The following CHTF18 variants were observed in gnomAD, a reference collection of about 807,000 sequenced individuals.
CHTF18 encodes chromosome transmission fidelity protein 18 homolog.
CHTF18 carries 151 observed loss-of-function variants against 113.4 expected under a neutral mutation model. The observed-to-expected ratio is 1.33, with a 90% CI of 1.17 to 1.52. The LOEUF (loss-of-function observed/expected upper bound fraction) is 1.52. CHTF18 is among the 40% of genes most tolerant of loss of function. The probability of loss-of-function intolerance (pLI) is 0.00; values close to 1 mark genes in which losing one functional copy is unlikely to be tolerated. For synonymous variants in CHTF18, 916 were observed against 598.8 expected, an observed-to-expected ratio of 1.53 and a Z score of -7.74; for missense variants, 1,982 against 1,381.6, an observed-to-expected ratio of 1.43 and a Z score of -6.89.
rs747898924 is a variant in CHTF18 at position 793,288 on chromosome 16, A to G, written c.1802+14A>G. On this transcript the variant is annotated intron_variant, in intron 14 of 21. Coordinates refer to ENST00000262315, the MANE Select transcript of CHTF18 (RefSeq NM_022092.3). ...TCGAGCCCAGAGGTAGGCGGTGGCC[A>G]CAGCCTCGGCCCAGATGCTCACGGT... The G allele has an allele frequency of 1.2e-6, 2 of 1,605,032 alleles. No homozygotes were observed. The highest frequency in any genetic ancestry group is 1.1e-5 in the South Asian group (1 of 89,826).
chr16:790,816 T>C, intron 7 of CHTF18, 150 bp downstream of exon 7: 1 of 1,433,870 alleles, frequency 7.0e-7, no homozygotes, highest in Non-Finnish European at 9.1e-7. Context: ...GGTGGTGAAC[T>C]GAGCACAGGG....
intron 15 of CHTF18, chr16:794,634 C>T (rs377600871): frequency 1.8e-4 from 41 of 232,934 alleles, no homozygotes; most frequent in African/African-American, 8.8e-4. Flanking sequence ...CTCTAAGCGG[C>T]TTTGGATTAG....
intron 17 of CHTF18, 41 bp downstream of exon 17, chr16:795,875 C>CCCTCCTGT (rs2042330038): frequency 6.2e-7 from 1 of 1,606,450 alleles, no homozygotes; most frequent in Non-Finnish European, 8.5e-7. Flanking sequence ...CCGCCTGCTG[C>CCCTCCTGT]CCTCCTGTCC....
rs1424628683 is a variant in CHTF18, at chr16:794,110, G to A, written c.1859G>A (p.Gly620Glu). The A allele has an allele frequency of 6.2e-7, 1 of 1,612,452 alleles. No individual in the cohort carries two copies. Among genetic ancestry groups the A allele is most frequent in the Non-Finnish European group, 8.5e-7 (1 of 1,179,768 alleles). Residue 620 changes from glycine (G) to glutamate (E), a missense_variant, in exon 15 of 22, where the codon GGG becomes GAG. Transcript: ENST00000262315. ...GCTGACACACTCCTGCTGGGTGACG[G>A]GGACGCGGGCTCCCTCACCTCCGCC... is the stretch of plus-strand genomic sequence containing the variant. Reference protein sequence around the residue: ...LPADTLLLGDGDAGSLTSASQ... With the variant: ...LPADTLLLGDEDAGSLTSASQ...
chr16:790,089 C>T (rs2042143737), intron 4 of CHTF18, 88 bp from the exon 5 acceptor site: 3 of 1,538,916 alleles, frequency 1.9e-6, no homozygotes, highest in Non-Finnish European at 2.6e-6. Context: ...GGGGTTGTCC[C>T]ACCCGGGTCC....
At position 792,517 on chromosome 16, in the gene CHTF18, T is replaced by C; in HGVS notation, c.1405T>C (p.Ser469Pro). 6.3e-7 allele frequency: 1 copy of C among 1,592,544 alleles called. No individual in the cohort carries two copies. The highest frequency in any genetic ancestry group is 8.5e-7 in the Non-Finnish European group (1 of 1,173,024). Reference sequence around the variant, plus strand: ...GGGGCCACAGGGCCCGGCTGTGCCTTCGGGAGGCGGCCGACGGCGCCGGGC... The same window carrying C: ...GGGGCCACAGGGCCCGGCTGTGCCTCCGGGAGGCGGCCGACGGCGCCGGGC... ...EVGPQGPAVPSGGGRRRRAEG... is the reference protein window; with the variant it reads ...EVGPQGPAVPPGGGRRRRAEG... Residue 469 changes from serine (S) to proline (P), a missense_variant, in exon 11 of 22, where the codon TCG (serine) becomes CCG (proline). Transcript: ENST00000262315.
chr16:796,692 C>T (rs1238386896), intron 18 of CHTF18, 25 bp from the exon 19 acceptor site: 3 of 1,573,436 alleles, frequency 1.9e-6, no homozygotes, highest in African/African-American at 1.4e-5. Context: ...GCTGACCTGC[C>T]CTGGTGTCCC....
chr16:792,138 C>T (rs2042213827), intron 9 of CHTF18, 86 bp from the exon 10 acceptor site: 28 of 1,525,224 alleles, frequency 1.8e-5, no homozygotes, highest in Middle Eastern at 3.4e-4. Context: ...TGACGGTCTC[C>T]ACGCAAATGC....
At position 796,867 on chromosome 16, in the gene CHTF18, C is replaced by T. The variant is rs1472197807; in HGVS notation, c.2601+6C>T. 1 of 1,586,378 alleles carries T rather than the reference C, an allele frequency of 6.3e-7. No homozygotes were observed. The highest frequency in any genetic ancestry group is 1.1e-5 in the South Asian group (1 of 87,672). ...GGGTAGAGAACAGCCCCCAGGTGAG[C>T]CCACCCAGGCTCTGGAGCAGGTTGC... On this transcript the variant is annotated splice_donor_region_variant and intron_variant, in intron 19 of 21. Coordinates refer to ENST00000262315, the MANE Select transcript of CHTF18 (RefSeq NM_022092.3).
In CHTF18 at chr16:792,500, AGG is replaced by A; in HGVS notation, c.1390_1391del (p.Gly464ProfsTer28). ...AAGGGGCCACAGGAGGTGGGGCCAC[AGG>A]GCCCGGCTGTGCCTTCGGGAGGCGG... On this transcript the variant is annotated frameshift_variant, in exon 11 of 22. Transcript: ENST00000262315. LOFTEE classifies it high-confidence loss of function. The A allele has an allele frequency of 6.3e-7, 1 of 1,594,124 alleles. No individual in the cohort carries two copies. Among genetic ancestry groups the A allele is most frequent in the Non-Finnish European group, 8.5e-7 (1 of 1,172,024 alleles).
In CHTF18 at chr16:797,089, A is replaced by G; in HGVS notation, c.2730A>G (p.Glu910=). The change falls in exon 20 of 22, where the codon GAA becomes GAG. Residue 910 remains glutamate (E), a synonymous_variant. Coordinates refer to ENST00000262315, the MANE Select transcript of CHTF18 (RefSeq NM_022092.3). Reference sequence around the variant, plus strand: ...TCATGAGGCGAGCGGCCCGGGAGGAACAGGTGTGGAATGGGCAGCTGTGGG... The same window carrying G: ...TCATGAGGCGAGCGGCCCGGGAGGAGCAGGTGTGGAATGGGCAGCTGTGGG... ...EHIMRRAARE[E]QPEKDFFGRV... is the part of the protein sequence containing the mutation. 1 of 1,521,506 alleles carries G rather than the reference A, an allele frequency of 6.6e-7. No homozygotes were observed. Among genetic ancestry groups the G allele is most frequent in the Non-Finnish European group, 8.8e-7 (1 of 1,138,270 alleles). The allele number at this position is 1,521,506 out of a possible 1,614,324, so 94.3% of individuals were successfully genotyped here. A position where few individuals can be genotyped will look rare whatever the true frequency, so the allele number is the denominator to read the frequency against.
At position 797,900 on chromosome 16, in the gene CHTF18, C is replaced by T. The variant is rs556985560; in HGVS notation, c.2853C>T (p.Ser951=). Residue 951 remains serine, a synonymous_variant, in exon 22 of 22, where the codon AGC becomes AGT. Transcript: ENST00000262315. ...ERRMGTAVGR[S]EVWFRFNEGV... is the part of the protein sequence containing the mutation. ...GCATGGGCACAGCGGTGGGCAGGAG[C>T]GAGGTCTGGTTCCGCTTCAACGAGG... 8.9e-5 allele frequency: 144 copies of T among 1,611,532 alleles called. No individual in the cohort carries two copies. Among genetic ancestry groups the T allele is most frequent in the African/African-American group, 4.7e-4 (35 of 75,020 alleles).
rs139737807 is a variant in CHTF18 at position 788,637 on chromosome 16, G to T, written c.-48G>T. The T allele has an allele frequency of 1.1e-3, 1,536 of 1,412,170 alleles. 25 individuals are homozygous for T. The African/African-American group carries it at 0.02, about 18-fold the overall frequency. The allele number at this position is 1,412,170 out of a possible 1,614,324, so 87.5% of individuals were successfully genotyped here. A position where few individuals can be genotyped will look rare whatever the true frequency, so the allele number is the denominator to read the frequency against. On this transcript the variant is annotated 5_prime_UTR_variant, in exon 1 of 22. Transcript: ENST00000262315. Reference sequence around the variant, plus strand: ...CTCGGGGCGGGCAGTGCGCGACGGCGGCGGCGGCGCGGGAGGTTCGGAGCG... The same window carrying T: ...CTCGGGGCGGGCAGTGCGCGACGGCTGCGGCGGCGCGGGAGGTTCGGAGCG...
intron 15 of CHTF18, among the ~76,000 whole-genome samples, chr16:794,540 A>C (rs1020019277): frequency 6.6e-6 from 1 of 152,072 alleles, no homozygotes; most frequent in Admixed American, 6.5e-5. Flanking sequence ...TTCTGGACTT[A>C]AGATGCACAT....
At chr16:796,514 G>A in intron 18 of CHTF18, 3 of 619,858 alleles carry the variant, frequency 4.8e-6, no homozygotes, top group Non-Finnish European at 8.2e-6. Flanking sequence ...ATCATCCCAC[G>A]TACACTTGCA....
intron 20 of CHTF18, 66 bp from the exon 21 acceptor site, chr16:797,628 C>T (rs1392256650): frequency 6.4e-6 from 10 of 1,563,852 alleles, no homozygotes; most frequent in African/African-American, 2.7e-5. Context: ...CTCGGTCCTC[C>T]TGTCTTGGGT....
At position 791,420 on chromosome 16, in the gene CHTF18, C is replaced by T. The variant is rs551612573; in HGVS notation, c.1104+50C>T. 1.5e-4 allele frequency: 222 copies of T among 1,527,740 alleles called. 2 individuals are homozygous for T. The South Asian group carries it at 2.3e-3, about 16-fold the overall frequency. 94.6% of individuals were successfully genotyped at this position (1,527,740 alleles called of 1,614,324 possible). A position where few individuals can be genotyped will look rare whatever the true frequency, so the allele number is the denominator to read the frequency against. On this transcript the variant is annotated intron_variant, in intron 8 of 21. Transcript: ENST00000262315. ...GGGAACAAGCCTGAGGCTTTGCACT[C>T]GGCGCCGGCACCCTTGCAGCCTGTT...
Position 793,248 on chromosome 16 carries a change from G to A in CHTF18, c.1776G>A (p.Glu592=). The change falls in exon 14 of 22, where the codon GAG becomes GAA. Residue 592 remains glutamate (E), a synonymous_variant. Transcript: ENST00000262315. ...QRRGLFSVWQ[E]VFQLPRAQRR... is the part of the protein sequence containing the mutation. ...GAGGGCTCTTCTCGGTGTGGCAGGA[G>A]GTCTTCCAGCTGCCTCGAGCCCAGA... is the stretch of plus-strand genomic sequence containing the variant. 1 of 1,607,648 alleles carries A rather than the reference G, an allele frequency of 6.2e-7. No homozygotes were observed. The highest frequency in any genetic ancestry group is 2.0e-4 in the Middle Eastern group (1 of 5,020).
chr16:796,317 G>A (rs2042346275), intron 18 of CHTF18, among the ~76,000 whole-genome samples: 1 of 152,236 alleles, frequency 6.6e-6, no homozygotes, highest in African/African-American at 2.4e-5. Flanking sequence ...ACCCCCACAT[G>A]GAACTGGAGC....
Sources: allele counts gnomAD v4.1 joint callset (sites outside exome capture counted in the v4.1 genomes callset), GRCh38; gene constraint gnomAD v4.1.1; transcripts MANE v1.5; gene names NCBI Gene and HGNC (gene_info 2026-07-23, HGNC 2026-07-21).